The following GPX2 variants were observed in gnomAD, a reference collection of about 807,000 sequenced individuals.
GPX2 encodes gastrointestinal glutathione peroxidase.
A neutral mutation model predicts 14.1 loss-of-function variants in GPX2; 21 were observed. The observed-to-expected ratio is 1.48, with a 90% CI of 1.05 to 2.14. The LOEUF (loss-of-function observed/expected upper bound fraction) is 2.14, where lower values mean the gene tolerates loss of function less well. Ranked by LOEUF, GPX2 falls within the 30% of genes most tolerant of loss-of-function variation. GPX2 has a pLI of 0.00. For synonymous variants in GPX2, 94 were observed against 95.2 expected (o/e 0.99, Z 0.07); for missense variants, 241 against 249.8 (o/e 0.96, Z 0.24).
chr14:64,939,886 GAA>G lies in GPX2; in HGVS notation c.223-50_223-49del. The G allele has an allele frequency of 6.3e-7, 1 of 1,588,650 alleles. No individual in the cohort carries two copies. The highest frequency in any genetic ancestry group is 1.7e-5 in the Admixed American group (1 of 58,046). On this transcript the variant is annotated intron_variant, in intron 1 of 1. Transcript: ENST00000389614. This position sits in a 1 kb window ranked among gnomAD's most constrained non-coding sequence, Gnocchi z 5.7. ...TGCGTGGACAGTGGGTGGGGGAAGAGAAAGATCCACAACATGAAACTCTTTCA... is the reference window on the plus strand; with the variant it reads ...TGCGTGGACAGTGGGTGGGGGAAGAGAGATCCACAACATGAAACTCTTTCA...
chr14:64,939,558 C>A lies in GPX2; in HGVS notation c.503G>T (p.Arg168Leu). ...LIGPEGEPFR[R>L]YSRTFPTINI... is the part of the protein sequence containing the mutation. ...GATGGTTGGGAAGGTGCGGCTGTAG[C>A]GTCGGAAGGGCTCTCCCTCCGGCCC... is the stretch of plus-strand genomic sequence containing the variant. Residue 168 changes from arginine (R) to leucine (L), a missense_variant, in exon 2 of 2, where the codon CGC becomes CTC. Physicochemically the swap from Arg to Leu is moderately radical, Grantham distance 102. Coordinates refer to ENST00000389614, the MANE Select transcript of GPX2 (RefSeq NM_002083.4). The surrounding 1 kb of genome is among the most constrained non-coding windows in gnomAD (Gnocchi z 5.7). The A allele has an allele frequency of 6.2e-7, 1 of 1,614,116 alleles. No individual in the cohort carries two copies. Among genetic ancestry groups the A allele is most frequent in the Non-Finnish European group, 8.5e-7 (1 of 1,180,024 alleles).
chr14:64,939,533 G>A lies in GPX2; in HGVS notation c.528C>T (p.Ile176=). 1 of 1,614,188 alleles carries A rather than the reference G, an allele frequency of 6.2e-7. No individual in the cohort carries two copies. Among genetic ancestry groups the A allele is most frequent in the Non-Finnish European group, 8.5e-7 (1 of 1,180,030 alleles). The change falls in exon 2 of 2, where the codon ATC becomes ATT. Residue 176 remains isoleucine (I), a synonymous_variant. Coordinates refer to ENST00000389614, the MANE Select transcript of GPX2 (RefSeq NM_002083.4). The surrounding 1 kb of genome is among the most constrained non-coding windows in gnomAD (Gnocchi z 5.7). ...FRRYSRTFPT[I]NIEPDIKRLL... ...GGCGCTTGATGTCAGGCTCAATGTT[G>A]ATGGTTGGGAAGGTGCGGCTGTAGC...
intron 1 of GPX2, chr14:64,941,185 G>A: frequency 3.7e-6 from 1 of 269,550 alleles, no homozygotes; most frequent in Non-Finnish European, 7.1e-6. Flanking sequence ...TGCTACTTCA[G>A]CGTCCCAAGT....
At position 64,939,247 on chromosome 14, in the gene GPX2, G is replaced by T. The variant is rs1594915872; in HGVS notation, c.*241C>A. On this transcript the variant is annotated 3_prime_UTR_variant, in exon 2 of 2. Transcript: ENST00000389614. This position sits in a 1 kb window ranked among gnomAD's most constrained non-coding sequence, Gnocchi z 5.7. The stretch of plus-strand genomic sequence containing the variant: ...GACACCACCCATGAGGGTTTAGGAA[G>T]GTGCCATCATTCTGTGAAGGCCCAG... 1.9e-6 allele frequency: 1 copy of T among 520,860 alleles called. No homozygotes were observed. Among genetic ancestry groups the T allele is most frequent in the East Asian group, 3.4e-5 (1 of 29,834 alleles). The allele number at this position is 520,860 out of a possible 1,614,324, so 32.3% of individuals were successfully genotyped here. A position where few individuals can be genotyped will look rare whatever the true frequency, so the allele number is the denominator to read the frequency against.
chr14:64,941,595 G>C (rs926966544), intron 1 of GPX2: 4 of 1,206,252 alleles, frequency 3.3e-6, no homozygotes, highest in Non-Finnish European at 4.3e-6. Flanking sequence ...GCTCAGGTTT[G>C]TCACAGCCAG....
chr14:64,939,409 G>A lies in GPX2; in HGVS notation c.*79C>T, dbSNP rs769883349. 3.4e-5 allele frequency: 36 copies of A among 1,062,738 alleles called. No homozygotes were observed. The highest frequency in any genetic ancestry group is 2.2e-4 in the Middle Eastern group (1 of 4,620). 65.8% of individuals were successfully genotyped at this position (1,062,738 alleles called of 1,614,324 possible). A position where few individuals can be genotyped will look rare whatever the true frequency, so the allele number is the denominator to read the frequency against. On this transcript the variant is annotated 3_prime_UTR_variant, in exon 2 of 2. Coordinates refer to ENST00000389614, the MANE Select transcript of GPX2 (RefSeq NM_002083.4). The surrounding 1 kb of genome is among the most constrained non-coding windows in gnomAD (Gnocchi z 5.7). Reference sequence around the variant, plus strand: ...CAAGGGAATGCTGAGGTCCAGCAGTGTCTCCTGAAGGCATGCTGCATCCTA... The same window carrying A: ...CAAGGGAATGCTGAGGTCCAGCAGTATCTCCTGAAGGCATGCTGCATCCTA...
At chr14:64,941,388 A>T (rs991012509) in intron 1 of GPX2, 3 of 1,283,604 alleles carry the variant, frequency 2.3e-6, no homozygotes, top group East Asian at 5.6e-5. Flanking sequence ...TTCTTGATAC[A>T]AATGGCTGGC....
In GPX2 at chr14:64,939,572, T is replaced by G; in HGVS notation, c.489A>C (p.Gly163=). Residue 163 remains glycine (G), a synonymous_variant, in exon 2 of 2, where the codon GGA becomes GGC. Coordinates refer to ENST00000389614, the MANE Select transcript of GPX2 (RefSeq NM_002083.4). This position sits in a 1 kb window ranked among gnomAD's most constrained non-coding sequence, Gnocchi z 5.7. ...NFEKFLIGPE[G]EPFRRYSRTF... ...TGCGGCTGTAGCGTCGGAAGGGCTC[T>G]CCCTCCGGCCCTATGAGGAACTTCT... 1 of 1,614,116 alleles carries G rather than the reference T, an allele frequency of 6.2e-7. No homozygotes were observed. Among genetic ancestry groups the G allele is most frequent in the Non-Finnish European group, 8.5e-7 (1 of 1,180,002 alleles).
chr14:64,941,128 A>T (rs895867759), intron 1 of GPX2, among the ~76,000 whole-genome samples: 1 of 152,072 alleles, frequency 6.6e-6, no homozygotes, highest in Non-Finnish European at 1.5e-5. Context: ...GTGCGGTGGC[A>T]CAATCATAGC....
chr14:64,940,632 A>G lies in GPX2; in HGVS notation c.223-794T>C, dbSNP rs911398816. On this transcript the variant is annotated intron_variant, in intron 1 of 1. Coordinates refer to ENST00000389614, the MANE Select transcript of GPX2 (RefSeq NM_002083.4). This position sits in a 1 kb window ranked among gnomAD's most constrained non-coding sequence, Gnocchi z 4.5. ...TTAGTAACCAACAGGCATGAAGTAA[A>G]TAGGATACAGGATTTAGGGTTTGGC... 1.3e-5 allele frequency among the ~76,000 whole-genome samples: 2 copies of G among 152,238 alleles called. No homozygotes were observed. The highest frequency in any genetic ancestry group is 4.8e-5 in the African/African-American group (2 of 41,466).
Position 64,940,419 on chromosome 14 carries a change from A to G in GPX2, c.223-581T>C, listed in dbSNP as rs940169155. Among the ~76,000 whole-genome samples the G allele has an allele frequency of 1.3e-5, 2 of 152,130 alleles. No individual in the cohort carries two copies. The highest frequency in any genetic ancestry group is 2.9e-5 in the Non-Finnish European group (2 of 68,018). ...TACTCAGCTCCTTGAACTGAGGGTG[A>G]AATTGAGACCCAGAGGAATGGGATT... On this transcript the variant is annotated intron_variant, in intron 1 of 1. Coordinates refer to ENST00000389614, the MANE Select transcript of GPX2 (RefSeq NM_002083.4). This position sits in a 1 kb window ranked among gnomAD's most constrained non-coding sequence, Gnocchi z 4.5.
intron 1 of GPX2, chr14:64,941,423 C>T (rs1202617913): frequency 7.8e-7 from 1 of 1,287,618 alleles, no homozygotes; most frequent in East Asian, 5.6e-5. Flanking sequence ...TTATAGACTC[C>T]CTCCAGCAAC....
chr14:64,939,307 C>T lies in GPX2; in HGVS notation c.*181G>A, dbSNP rs1448703653. ...AAGTCTTGGAGCCCAAGTTGAATCA[C>T]CAACCAGAGGGTTGGGAGAGGAAAA... On this transcript the variant is annotated 3_prime_UTR_variant, in exon 2 of 2. Coordinates refer to ENST00000389614, the MANE Select transcript of GPX2 (RefSeq NM_002083.4). The surrounding 1 kb of genome is among the most constrained non-coding windows in gnomAD (Gnocchi z 5.7). 1.6e-6 allele frequency: 1 copy of T among 620,504 alleles called. No individual in the cohort carries two copies. The highest frequency in any genetic ancestry group is 1.8e-5 in the African/African-American group (1 of 54,682). 38.4% of individuals were successfully genotyped at this position (620,504 alleles called of 1,614,324 possible).
chr14:64,942,655 A>G lies in GPX2; in HGVS notation c.72T>C (p.Asn24=). ...ISLDGEKVDF[N]TFRGRAVLIE... is the part of the protein sequence containing the mutation. ...TCAGCACGGCCCTGCCCCGGAACGT[A>G]TTGAAATCTACCTTCTCCCCATCCA... The change falls in exon 1 of 2, where the codon AAT becomes AAC. Residue 24 remains asparagine (N), a synonymous_variant. Coordinates refer to ENST00000389614, the MANE Select transcript of GPX2 (RefSeq NM_002083.4). 5 of 1,614,202 alleles carry G rather than the reference A, an allele frequency of 3.1e-6. No individual in the cohort carries two copies. Among genetic ancestry groups the G allele is most frequent in the Non-Finnish European group, 3.4e-6 (4 of 1,180,028 alleles).
rs569656451 is a variant in GPX2 at position 64,942,734 on chromosome 14, C to G, written c.-8G>C. On this transcript the variant is annotated 5_prime_UTR_variant, in exon 1 of 2. Coordinates refer to ENST00000389614, the MANE Select transcript of GPX2 (RefSeq NM_002083.4). ...CTTGGCAATGAAAGCCATGGTGAAG[C>G]GCAGAGTGAGCCCCGCAGAGAGGCC... is the stretch of plus-strand genomic sequence containing the variant. 1.9e-6 allele frequency: 3 copies of G among 1,609,148 alleles called. No homozygotes were observed. The African/African-American group carries it at 4.0e-5, about 22-fold the overall frequency.
At position 64,939,831 on chromosome 14, in the gene GPX2, CAGTTCTCCT is replaced by C. The variant is rs1348670628; in HGVS notation, c.223-2_229del. 6.2e-7 allele frequency: 1 copy of C among 1,613,286 alleles called. No homozygotes were observed. The highest frequency in any genetic ancestry group is 1.7e-5 in the Admixed American group (1 of 59,994). On this transcript the variant is annotated splice_acceptor_variant and coding_sequence_variant, in exon 2 of 2. Transcript: ENST00000389614. LOFTEE classifies it high-confidence loss of function. This position sits in a 1 kb window ranked among gnomAD's most constrained non-coding sequence, Gnocchi z 5.7. ...ACTGTTCAGGATCTCCTCATTCTGACAGTTCTCCTAGGGGAGGAAAAAGACAAAGTGCGT... is the reference window on the plus strand; with the variant it reads ...ACTGTTCAGGATCTCCTCATTCTGACAGGGGAGGAAAAAGACAAAGTGCGT...
intron 1 of GPX2, chr14:64,941,657 G>T: frequency 1.5e-6 from 1 of 649,628 alleles, no homozygotes; most frequent in Non-Finnish European, 2.2e-6. Context: ...ATACCACTGT[G>T]AATTGAACTA....
rs1307206818 is a variant in GPX2, at chr14:64,942,700, A to G, written c.27T>C (p.Tyr9=). The change falls in exon 1 of 2, where the codon TAT becomes TAC. Residue 9 remains tyrosine (Y), a synonymous_variant. Coordinates refer to ENST00000389614, the MANE Select transcript of GPX2 (RefSeq NM_002083.4). MAFIAKSF[Y]DLSAISLDGE... ...CATCCAGGCTGATGGCACTGAGGTC[A>G]TAGAAGGACTTGGCAATGAAAGCCA... The G allele has an allele frequency of 1.2e-6, 2 of 1,614,010 alleles. No homozygotes were observed. The highest frequency in any genetic ancestry group is 1.3e-5 in the African/African-American group (1 of 74,924).
At chr14:64,942,473 CTT>C (rs2139947564) in intron 1 of GPX2, 30 bp downstream of exon 1, 1 of 1,567,348 alleles carries the variant, frequency 6.4e-7, no homozygotes, top group Non-Finnish European at 8.8e-7. Flanking sequence ...CAACCCAACA[CTT>C]TTGGTGCATT....
Sources: gnomAD v4.1 joint callset for allele counts (sites outside exome capture counted in the v4.1 genomes callset) on GRCh38, gnomAD v4.1.1 for gene constraint, Gnocchi (gnomAD v3.1) non-coding constraint, MANE v1.5 for transcripts, NCBI Gene and HGNC (gene_info 2026-07-23, HGNC 2026-07-21) for gene names.